VPS8: variants seen among roughly 807,000 people sequenced by gnomAD.
The protein encoded by VPS8 is VPS8 subunit of CORVET complex.
In VPS8, 129 loss-of-function variants were observed where a neutral mutation model predicts 216.4. The ratio of observed to expected loss-of-function variants is 0.60; its 90% CI spans 0.52 to 0.69. The LOEUF is 0.69. Ranked by LOEUF, VPS8 falls within the 30% of genes least tolerant of loss-of-function variation. The pLI is 0.00. For synonymous variants in VPS8, 571 were observed against 565.4 expected, an observed-to-expected ratio of 1.01 and a Z score of -0.14; for missense variants, 1,531 against 1,683.5, an observed-to-expected ratio of 0.91 and a Z score of 1.59.
intron 43 of VPS8, among the ~76,000 whole-genome samples, chr3:184,996,043 A>C (rs1752570735): frequency 6.6e-6 from 1 of 152,254 alleles, no homozygotes; most frequent in Non-Finnish European, 1.5e-5. Flanking sequence ...ATCAATACTG[A>C]ATGAAGCTGC....
intron 25 of VPS8, among the ~76,000 whole-genome samples, chr3:184,912,661 A>G (rs908817175): frequency 1.3e-5 from 2 of 152,188 alleles, no homozygotes; most frequent in African/African-American, 4.8e-5. Flanking sequence ...GATGTGAATC[A>G]AATGACATTT....
chr3:184,829,174 T>C (rs1247599697), intron 3 of VPS8, among the ~76,000 whole-genome samples: 4 of 152,206 alleles, frequency 2.6e-5, no homozygotes, highest in African/African-American at 9.6e-5. Flanking sequence ...TGTTTTGGCA[T>C]GTACATACTT....
chr3:184,968,265 T>C (rs1747751371), intron 39 of VPS8, among the ~76,000 whole-genome samples: 1 of 152,242 alleles, frequency 6.6e-6, no homozygotes, highest in Non-Finnish European at 1.5e-5. Context: ...AGACCACATT[T>C]CATTTATTCA....
At chr3:184,839,800 G>A (rs550124206) in intron 7 of VPS8, 48 bp downstream of exon 7, 1 of 1,554,586 alleles carries the variant, frequency 6.4e-7, no homozygotes, top group African/African-American at 1.4e-5. Flanking sequence ...GTGTCCTTTT[G>A]GGTTTTATAA....
Position 184,996,558 on chromosome 3 carries a change from A to G in VPS8, c.3836+57A>G. ...GTACATGTACATCTGTGGCATTACC[A>G]GGCAAGAATCCACATGGATACACGG... On this transcript the variant is annotated intron_variant, in intron 44 of 47. Transcript: ENST00000625842. 3 of 1,521,156 alleles carry G rather than the reference A, an allele frequency of 2.0e-6. 1 individual carries two copies. In the South Asian group the frequency reaches 3.9e-5, roughly 20 times the overall value. The allele number at this position is 1,521,156 out of a possible 1,614,324, so 94.2% of individuals were successfully genotyped here. A position where few individuals can be genotyped will look rare whatever the true frequency, so the allele number is the denominator to read the frequency against.
chr3:185,004,331 C>T (rs1220471204), intron 45 of VPS8, among the ~76,000 whole-genome samples: 16 of 152,094 alleles, frequency 1.1e-4, no homozygotes, highest in Non-Finnish European at 2.1e-4. Flanking sequence ...AATACGAAAA[C>T]CAGTCAGGCG....
chr3:184,924,980 A>G lies in VPS8; in HGVS notation c.2573A>G (p.Gln858Arg), dbSNP rs1739313650. 6.2e-7 allele frequency: 1 copy of G among 1,613,322 alleles called. No homozygotes were observed. The highest frequency in any genetic ancestry group is 8.5e-7 in the Non-Finnish European group (1 of 1,179,596). ...TTTGTAAACAGAACACTTTTTGATC[A>G]GGTAAGTGTCTAGCAGTGAAAACTA... ...TLFVNRTLFDQVLEFLCSPDD... is the reference protein window; with the variant it reads ...TLFVNRTLFDRVLEFLCSPDD... The change falls in exon 30 of 48, where the codon CAG (glutamine) becomes CGG (arginine). Residue 858 changes from glutamine to arginine, a missense_variant and splice_region_variant. This residue lies in a region of VPS8 where 1,318 missense variants were observed against 1,468.4 expected (regional missense o/e 0.90). Transcript: ENST00000625842.
chr3:184,813,090 TG>T (rs922849809), intron 1 of VPS8, among the ~76,000 whole-genome samples: 9 of 151,980 alleles, frequency 5.9e-5, no homozygotes, highest in Non-Finnish European at 8.8e-5. Flanking sequence ...GTGTACAAAA[TG>T]GGGGTGCTTT....
intron 45 of VPS8, among the ~76,000 whole-genome samples, chr3:185,000,793 G>A (rs1384852913): frequency 1.3e-5 from 2 of 151,992 alleles, no homozygotes; most frequent in African/African-American, 2.4e-5. Flanking sequence ...TTTTAGTAGA[G>A]TTGAGGTTTC....
intron 16 of VPS8, 72 bp downstream of exon 16, chr3:184,863,139 T>C (rs961801800): frequency 8.4e-6 from 13 of 1,555,266 alleles, no homozygotes; most frequent in Non-Finnish European, 1.1e-5. Context: ...ATAGTTGTTT[T>C]AGAAATAGGA....
At chr3:184,872,929 A>G (rs1728612020) in intron 21 of VPS8, among the ~76,000 whole-genome samples, 1 of 152,152 alleles carries the variant, frequency 6.6e-6, no homozygotes, top group African/African-American at 2.4e-5. Flanking sequence ...GAACATCTAT[A>G]AATATGGAGA....
chr3:184,959,844 A>AT (rs1190483651), intron 37 of VPS8, among the ~76,000 whole-genome samples: 7 of 147,748 alleles, frequency 4.7e-5, no homozygotes, highest in Admixed American at 4.7e-4. Flanking sequence ...TATTTTTTTA[A>AT]TTTTTTTATT....
At chr3:184,940,132 A>C in intron 35 of VPS8, 65 bp from the exon 36 acceptor site, 1 of 955,212 alleles carries the variant, frequency 1.0e-6, no homozygotes, top group Non-Finnish European at 1.5e-6. Flanking sequence ...GTAGTTCTTT[A>C]CCATGGAATA....
At chr3:184,912,394 G>C (rs1268477262) in intron 25 of VPS8, among the ~76,000 whole-genome samples, 1 of 152,158 alleles carries the variant, frequency 6.6e-6, no homozygotes, top group African/African-American at 2.4e-5. Flanking sequence ...GTCAGGGTGA[G>C]GGAGGCCAGC....
At chr3:184,942,456 A>G (rs966059815) in intron 36 of VPS8, among the ~76,000 whole-genome samples, 7 of 152,206 alleles carry the variant, frequency 4.6e-5, no homozygotes, top group African/African-American at 7.2e-5. Flanking sequence ...GCGTGCTCAC[A>G]GGCCTTCCTC....
At chr3:184,835,951 C>T (rs1218802599) in intron 5 of VPS8, among the ~76,000 whole-genome samples, 3 of 151,978 alleles carry the variant, frequency 2.0e-5, no homozygotes, top group African/African-American at 7.3e-5. Context: ...CCTTGTGATC[C>T]GCCCGCCTCA....
At chr3:184,939,573 C>T (rs1196953086) in intron 35 of VPS8, among the ~76,000 whole-genome samples, 8 of 140,082 alleles carry the variant, frequency 5.7e-5, no homozygotes, top group Non-Finnish European at 9.3e-5. Flanking sequence ...TTTTTTTTTC[C>T]ACATAAGGAA....
intron 1 of VPS8, chr3:184,812,926 G>C (rs1221032876): frequency 6.6e-6 from 1 of 152,388 alleles, no homozygotes; most frequent in Non-Finnish European, 1.5e-5. Context: ...TGTGAGGCTG[G>C]TTCCAGTTTG....
chr3:184,855,435 A>G (rs1725061625), intron 13 of VPS8, among the ~76,000 whole-genome samples: 1 of 152,228 alleles, frequency 6.6e-6, no homozygotes, highest in South Asian at 2.1e-4. Context: ...TGTAGAATAT[A>G]CATACAAAGA....
Sources: gnomAD v4.1 joint callset for allele counts (sites outside exome capture counted in the v4.1 genomes callset) on GRCh38, gnomAD v4.1.1 for gene constraint, gnomAD v4.1.1 regional missense constraint, MANE v1.5 for transcripts, NCBI Gene and HGNC (gene_info 2026-07-23, HGNC 2026-07-21) for gene names.